DENND1A: variants seen among roughly 807,000 people sequenced by gnomAD.
DENND1A encodes the protein DENN domain containing 1A.
Under a neutral mutation model 113.7 loss-of-function variants are expected in DENND1A, and 51 were observed. That is an observed-to-expected ratio of 0.45 (90% CI 0.36 to 0.57). DENND1A has a LOEUF of 0.57. DENND1A is among the 20% of genes least tolerant of loss of function. DENND1A has a pLI of 0.00. For synonymous variants in DENND1A, 565 were observed against 570.8 expected (o/e 0.99, Z 0.14); for missense variants, 1,258 against 1,395.9 (o/e 0.90, Z 1.57).
At chr9:123,501,486 G>A (rs2052478043) in intron 13 of DENND1A, among the ~76,000 whole-genome samples, 1 of 152,202 alleles carries the variant, frequency 6.6e-6, no homozygotes, top group South Asian at 2.1e-4. Context: ...ATTCAGTAGT[G>A]AAACTGCAGG....
intron 9 of DENND1A, among the ~76,000 whole-genome samples, chr9:123,646,976 T>G (rs1288605195): frequency 1.3e-5 from 2 of 152,080 alleles, no homozygotes; most frequent in Non-Finnish European, 2.9e-5. Flanking sequence ...GGTATAGAAT[T>G]CTAGGTTAGA....
chr9:123,390,907 C>G (rs893993188), intron 21 of DENND1A, among the ~76,000 whole-genome samples: 1 of 152,258 alleles, frequency 6.6e-6, no homozygotes, highest in Admixed American at 6.5e-5. Flanking sequence ...CTGGCTCTGA[C>G]AAGAGAGCAC....
intron 2 of DENND1A, among the ~76,000 whole-genome samples, chr9:123,833,581 AT>A (rs1195410861): frequency 5.9e-5 from 9 of 152,200 alleles, no homozygotes; most frequent in African/African-American, 2.2e-4. Flanking sequence ...AAAAGTCATC[AT>A]GAGCTTCACT....
chr9:123,545,530 G>A (rs1428791460), intron 13 of DENND1A, among the ~76,000 whole-genome samples: 2 of 151,328 alleles, frequency 1.3e-5, no homozygotes, highest in African/African-American at 2.4e-5. Flanking sequence ...GCAGTGGCAC[G>A]ATCTCAGCTC....
At chr9:123,485,636 GTACACACACGCGCGCGCGCGCACA>G (rs1279804735) in intron 13 of DENND1A, 6 of 93,996 alleles carry the variant, frequency 6.4e-5, no homozygotes, top group African/African-American at 1.7e-4. Context: ...GTGTGTGCGC[GTACACACACGCGCGCGCGCGCACA>G]CACACACACA....
At chr9:123,811,443 T>C (rs757422842) in intron 2 of DENND1A, among the ~76,000 whole-genome samples, 1 of 152,168 alleles carries the variant, frequency 6.6e-6, no homozygotes, top group Non-Finnish European at 1.5e-5. Flanking sequence ...CCATGCCTTA[T>C]AATCCACCAA....
intron 5 of DENND1A, among the ~76,000 whole-genome samples, chr9:123,722,250 T>C (rs2067393998): frequency 6.6e-6 from 1 of 152,184 alleles, no homozygotes; most frequent in Non-Finnish European, 1.5e-5. Context: ...GCAGAAGAAA[T>C]TTCTAAGCAG....
At chr9:123,867,809 C>T (rs1035436450) in intron 2 of DENND1A, among the ~76,000 whole-genome samples, 1 of 152,140 alleles carries the variant, frequency 6.6e-6, no homozygotes, top group Non-Finnish European at 1.5e-5. Flanking sequence ...GTACGTGATC[C>T]AAACAGGGCC....
At chr9:123,818,326 G>C (rs1318149508) in intron 2 of DENND1A, among the ~76,000 whole-genome samples, 2 of 151,940 alleles carry the variant, frequency 1.3e-5, no homozygotes, top group Non-Finnish European at 2.9e-5. Flanking sequence ...GGATGGTCTT[G>C]ATCTCCTGAC....
chr9:123,807,974 C>T (rs553609761), intron 2 of DENND1A, among the ~76,000 whole-genome samples: 6 of 152,300 alleles, frequency 3.9e-5, no homozygotes, highest in Admixed American at 1.3e-4. Context: ...ACCTGCAAGC[C>T]CAGCACTTTG....
rs1043689209 is a variant in DENND1A at position 123,804,919 on chromosome 9, T to C, written c.89-12289A>G. Among the ~76,000 whole-genome samples the C allele has an allele frequency of 5.9e-5, 9 of 152,104 alleles. 1 individual carries two copies. The highest frequency in any genetic ancestry group is 2.1e-4 in the South Asian group (1 of 4,824). On this transcript the variant is annotated intron_variant, in intron 2 of 23. Transcript: ENST00000394215. The stretch of plus-strand genomic sequence containing the variant: ...TCTAGAGGAATCCTGTAAAACTCAA[T>C]ACAGGGCCTCCTCTACAACGTCCTC...
chr9:123,660,039 T>C (rs2063151159), intron 8 of DENND1A, among the ~76,000 whole-genome samples: 1 of 152,216 alleles, frequency 6.6e-6, no homozygotes, highest in Non-Finnish European at 1.5e-5. Context: ...TTTTTCCTCA[T>C]GAATAGAACA....
At chr9:123,505,996 G>T (rs1170479232) in intron 13 of DENND1A, among the ~76,000 whole-genome samples, 1 of 151,716 alleles carries the variant, frequency 6.6e-6, no homozygotes, top group African/African-American at 2.4e-5. Context: ...CCCTTCATGC[G>T]CCTGAGCCGA....
chr9:123,756,749 G>A (rs541714476), intron 5 of DENND1A, among the ~76,000 whole-genome samples: 7 of 152,336 alleles, frequency 4.6e-5, no homozygotes, highest in Non-Finnish European at 7.3e-5. Flanking sequence ...GGGAACAGAA[G>A]TCAGTGGGGG....
intron 13 of DENND1A, among the ~76,000 whole-genome samples, chr9:123,535,655 A>G (rs980148620): frequency 2.0e-5 from 3 of 152,194 alleles, no homozygotes; most frequent in Admixed American, 1.3e-4. Context: ...TAGAATGCTC[A>G]GATCCCAGCT....
intron 5 of DENND1A, among the ~76,000 whole-genome samples, chr9:123,717,464 G>GTTAC (rs558198443): frequency 2.0e-5 from 3 of 152,230 alleles, no homozygotes; most frequent in Non-Finnish European, 2.9e-5. Flanking sequence ...AGATTACACA[G>GTTAC]TTACTGGGTA....
chr9:123,402,283 T>C (rs10739631), intron 21 of DENND1A, among the ~76,000 whole-genome samples: 152,087 of 152,290 alleles, frequency 1, 75,942 homozygotes, highest in Middle Eastern at 1. Flanking sequence ...CATATAATTC[T>C]GGAACTTTCT....
intron 2 of DENND1A, among the ~76,000 whole-genome samples, chr9:123,794,274 G>C (rs1200235538): frequency 1.3e-5 from 2 of 152,162 alleles, no homozygotes; most frequent in Non-Finnish European, 2.9e-5. Flanking sequence ...GAGGGGAAAG[G>C]GGGTGAACAA....
In DENND1A at chr9:123,711,513, GTATATATATATA is replaced by G. The variant is rs56814463; in HGVS notation, c.303-34736_303-34725del. 3.2e-3 allele frequency among the ~76,000 whole-genome samples: 388 copies of G among 120,984 alleles called. 10 individuals carry two copies. Among genetic ancestry groups the G allele is most frequent in the African/African-American group, 0.012 (364 of 30,630 alleles). 79.4% of individuals were successfully genotyped at this position (120,984 alleles called of 152,430 possible). On this transcript the variant is annotated intron_variant, in intron 5 of 23. Coordinates refer to ENST00000394215, the MANE Select transcript of DENND1A (RefSeq NM_001352964.2). ...TATATATATATATATATGTATATATGTATATATATATATATATATATATATAAATTCAACAAA... is the reference window on the plus strand; with the variant it reads ...TATATATATATATATATGTATATATGTATATATATATATAAATTCAACAAA...
Sources: gnomAD v4.1 joint callset for allele counts (sites outside exome capture counted in the v4.1 genomes callset) on GRCh38, gnomAD v4.1.1 for gene constraint, MANE v1.5 for transcripts, NCBI Gene and HGNC (gene_info 2026-07-23, HGNC 2026-07-21) for gene names.